Variants in FOCAD observed in about 807,000 individuals in gnomAD.
The protein encoded by FOCAD is KIAA1797.
Under a neutral mutation model 225.6 loss-of-function variants are expected in FOCAD, and 198 were observed. That is an observed-to-expected ratio of 0.88 (90% CI 0.78 to 0.99). FOCAD has a LOEUF of 0.99. Ranked by LOEUF, FOCAD falls within the 50% of genes least tolerant of loss-of-function variation. FOCAD has a pLI of 0.00. For synonymous variants in FOCAD, 897 were observed against 755.0 expected, an observed-to-expected ratio of 1.19 and a Z score of -3.08; for missense variants, 2,713 against 2,123.6, an observed-to-expected ratio of 1.28 and a Z score of -5.46.
intron 11 of FOCAD, among the ~76,000 whole-genome samples, chr9:20,815,137 G>GTTTTTTTTTGTTTTTTTTTTTTTTTTTTT (rs1823565046): frequency 1.4e-5 from 1 of 69,116 alleles, no homozygotes; most frequent in African/African-American, 6.0e-5. Context: ...TTTTTTTTTT[G>GTTTTTTTTTGTTTTTTTTTTTTTTTTTTT]TTTTTTTTTT....
chr9:20,883,209 A>G (rs1830826210), intron 20 of FOCAD, among the ~76,000 whole-genome samples: 3 of 152,234 alleles, frequency 2.0e-5, no homozygotes, highest in South Asian at 4.1e-4. Context: ...TCTTTGGAAA[A>G]TATCAATTCT....
intron 35 of FOCAD, among the ~76,000 whole-genome samples, chr9:20,961,229 G>A (rs1406192466): frequency 6.6e-6 from 1 of 150,624 alleles, no homozygotes; most frequent in African/African-American, 2.4e-5. Flanking sequence ...CTCTGTGTTA[G>A]TGTAGACTCG....
intron 1 of FOCAD, among the ~76,000 whole-genome samples, chr9:20,688,886 T>C (rs1822812123): frequency 6.6e-6 from 1 of 152,240 alleles, no homozygotes; most frequent in African/African-American, 2.4e-5. Context: ...CTGTGACTTT[T>C]GGCAGCAAAA....
At chr9:20,932,833 G>C (rs1023616519) in intron 27 of FOCAD, among the ~76,000 whole-genome samples, 181 bp from the exon 28 acceptor site, 1 of 152,024 alleles carries the variant, frequency 6.6e-6, no homozygotes, top group African/African-American at 2.4e-5. Flanking sequence ...TGAATAATTG[G>C]TCAGACTTAG....
At chr9:20,661,221 G>A (rs75400752) in intron 2 of FOCAD, among the ~76,000 whole-genome samples, 6,342 of 152,192 alleles carry the variant, frequency 0.042, 164 homozygotes, top group Middle Eastern at 0.12. Flanking sequence ...GAATGGGTTG[G>A]GAGACAACCA....
At position 20,830,548 on chromosome 9, in the gene FOCAD, A is replaced by G. The variant is rs578006446; in HGVS notation, c.1920+7433A>G. Among the ~76,000 whole-genome samples, 241 of 152,068 alleles carry G rather than the reference A, an allele frequency of 1.6e-3. 1 individual carries two copies. Among genetic ancestry groups the G allele is most frequent in the Non-Finnish European group, 1.6e-3 (106 of 67,958 alleles). On this transcript the variant is annotated intron_variant, in intron 15 of 43. Transcript: ENST00000338382. ...TTTCACAGAGTTTCTGTGTTCTCTAATTCGTTTACATTTTGCTAGAAAGAT... is the reference window on the plus strand; with the variant it reads ...TTTCACAGAGTTTCTGTGTTCTCTAGTTCGTTTACATTTTGCTAGAAAGAT...
At chr9:20,974,106 A>C (rs1284876350) in intron 35 of FOCAD, among the ~76,000 whole-genome samples, 1 of 143,532 alleles carries the variant, frequency 7.0e-6, no homozygotes, top group African/African-American at 2.7e-5. Flanking sequence ...TTCTTTCAGC[A>C]TCTGTTCATG....
chr9:20,950,269 A>C (rs1165718453), intron 33 of FOCAD, among the ~76,000 whole-genome samples: 1 of 152,152 alleles, frequency 6.6e-6, no homozygotes, highest in Non-Finnish European at 1.5e-5. Flanking sequence ...CTTTTCAAGT[A>C]TTCTTTTGTT....
At chr9:20,746,536 GTACCATT>G (rs1828051210) in intron 5 of FOCAD, among the ~76,000 whole-genome samples, 1 of 152,146 alleles carries the variant, frequency 6.6e-6, no homozygotes, top group African/African-American at 2.4e-5. Context: ...AGACTCCCAT[GTACCATT>G]TACCCAGATT....
chr9:20,931,921 G>A (rs1036062095), intron 27 of FOCAD, among the ~76,000 whole-genome samples: 18 of 151,136 alleles, frequency 1.2e-4, no homozygotes, highest in Non-Finnish European at 4.4e-5. Flanking sequence ...AAAAAAAAAG[G>A]GGGGGAGAAT....
At chr9:20,674,851 C>T (rs1232974452) in intron 2 of FOCAD, among the ~76,000 whole-genome samples, 1 of 152,128 alleles carries the variant, frequency 6.6e-6, no homozygotes, top group African/African-American at 2.4e-5. Flanking sequence ...ATTTAAGAAG[C>T]CTGATTGAAT....
upstream of FOCAD, among the ~76,000 whole-genome samples, chr9:20,656,604 G>A (rs1821483669): frequency 6.6e-6 from 1 of 151,508 alleles, no homozygotes; most frequent in Non-Finnish European, 1.5e-5. Context: ...TGCAACCCCT[G>A]CCTTTTTTTG....
chr9:20,764,808 A>G, intron 6 of FOCAD, 61 bp from the exon 7 acceptor site: 1 of 1,302,768 alleles, frequency 7.7e-7, no homozygotes, highest in Non-Finnish European at 1.1e-6. Context: ...GATATTTGCC[A>G]CTTACCTGCT....
At position 20,946,794 on chromosome 9, in the gene FOCAD, C is replaced by T. The variant is rs747311160; in HGVS notation, c.3649C>T (p.Arg1217Ter). The part of the protein sequence containing the change: ...TEAEDVMNKL[R>*]LLVENSQQTS... Reference sequence around the variant, plus strand: ...GGCTGAGGATGTTATGAACAAGCTTCGACTGTTAGTGGAGAATAGCCAGCA... The same window carrying T: ...GGCTGAGGATGTTATGAACAAGCTTTGACTGTTAGTGGAGAATAGCCAGCA... Residue 1217 changes from arginine (R) to a stop codon, truncating the protein, a stop_gained, in exon 30 of 44, where the codon CGA (arginine) becomes TGA (stop). Coordinates refer to ENST00000338382, the MANE Select transcript of FOCAD (RefSeq NM_001375567.1). LOFTEE classifies it high-confidence loss of function. The T allele has an allele frequency of 3.1e-6, 5 of 1,613,758 alleles. No homozygotes were observed. The highest frequency in any genetic ancestry group is 1.7e-5 in the Admixed American group (1 of 60,004).
At position 20,959,202 on chromosome 9, in the gene FOCAD, TTTTG is replaced by T. The variant is rs796287825; in HGVS notation, c.4132+6153_4132+6156del. Among the ~76,000 whole-genome samples, 16 of 152,242 alleles carry T rather than the reference TTTTG, an allele frequency of 1.1e-4. 1 individual carries two copies. Among genetic ancestry groups the T allele is most frequent in the African/African-American group, 3.9e-4 (16 of 41,542 alleles). On this transcript the variant is annotated intron_variant, in intron 35 of 43. Transcript: ENST00000338382. Reference sequence around the variant, plus strand: ...CACATCCTCAACAGCATTTGCTGTTTTTTGTTTGTTTGTTTGTTTTTAATAATAG... The same window carrying T: ...CACATCCTCAACAGCATTTGCTGTTTTTTGTTTGTTTGTTTTTAATAATAG...
chr9:20,825,593 A>C, intron 15 of FOCAD, among the ~76,000 whole-genome samples: 1 of 152,178 alleles, frequency 6.6e-6, no homozygotes, highest in East Asian at 1.9e-4. Context: ...CTCTATCTTT[A>C]AGAAAATACC....
intron 22 of FOCAD, among the ~76,000 whole-genome samples, chr9:20,910,941 A>C (rs552958457): frequency 6.6e-6 from 1 of 152,244 alleles, no homozygotes; most frequent in East Asian, 1.9e-4. Flanking sequence ...AGGGAAGATT[A>C]AAACGGTAGG....
chr9:20,944,233 A>T (rs984967134), intron 28 of FOCAD, among the ~76,000 whole-genome samples: 2 of 152,176 alleles, frequency 1.3e-5, no homozygotes, highest in Non-Finnish European at 2.9e-5. Flanking sequence ...TTCTCTCCTT[A>T]TGCAGCTGAT....
chr9:20,833,097 T>C (rs1825671548), intron 15 of FOCAD, among the ~76,000 whole-genome samples: 1 of 152,110 alleles, frequency 6.6e-6, no homozygotes, highest in African/African-American at 2.4e-5. Flanking sequence ...TTTTCTGTAA[T>C]AGCTGTACCA....
Sources: gnomAD v4.1 joint callset for allele counts (sites outside exome capture counted in the v4.1 genomes callset) on GRCh38, gnomAD v4.1.1 for gene constraint, MANE v1.5 for transcripts, NCBI Gene and HGNC (gene_info 2026-07-23, HGNC 2026-07-21) for gene names.